ABI3BP: variants seen among roughly 807,000 people sequenced by gnomAD.
The protein encoded by ABI3BP is ABI family member 3 binding protein, also known as target of Nesh-SH3.
A neutral mutation model predicts 268.6 loss-of-function variants in ABI3BP; 216 were observed. The ratio of observed to expected loss-of-function variants is 0.80; its 90% CI spans 0.72 to 0.90. The LOEUF is 0.90. ABI3BP is among the 40% of genes least tolerant of loss of function. ABI3BP has a pLI of 0.00. For missense variants in ABI3BP, 2,090 were observed against 2,182.4 expected, an observed-to-expected ratio of 0.96 and a Z score of 0.84; for synonymous variants, 730 against 730.0, an observed-to-expected ratio of 1.00 and a Z score of 0.00.
chr3:100,862,265 A>G (rs1430408779), intron 14 of ABI3BP, 46 bp downstream of exon 14: 1 of 1,279,812 alleles, frequency 7.8e-7, no homozygotes, highest in Admixed American at 2.3e-5. Flanking sequence ...AAGTTACTCA[A>G]TATTCCTTGT....
chr3:100,749,386 T>TACAAAATGTAG lies in ABI3BP; in HGVS notation c.*1098_*1108dup. 2.9e-6 allele frequency: 1 copy of TACAAAATGTAG among 346,388 alleles called. No individual in the cohort carries two copies. The highest frequency in any genetic ancestry group is 4.2e-5 in the East Asian group (1 of 23,600). The allele number at this position is 346,388 out of a possible 1,614,324, so 21.5% of individuals were successfully genotyped here. ...GCAGAATTTATACTTGTTTGAAAAATACAAAATGTAGCGTTGATAAGATTG... is the reference window on the plus strand; with the variant it reads ...GCAGAATTTATACTTGTTTGAAAAATACAAAATGTAGACAAAATGTAGCGTTGATAAGATTG... On this transcript the variant is annotated 3_prime_UTR_variant, in exon 68 of 68. Transcript: ENST00000471714.
At chr3:100,956,511 AG>A (rs2076911281) in intron 1 of ABI3BP, among the ~76,000 whole-genome samples, 1 of 152,188 alleles carries the variant, frequency 6.6e-6, no homozygotes, top group African/African-American at 2.4e-5. Context: ...GACCAGATGG[AG>A]CCTGGGTCTT....
intron 9 of ABI3BP, 101 bp downstream of exon 9, chr3:100,874,736 TGAGA>T: frequency 1.6e-6 from 1 of 620,560 alleles, no homozygotes; most frequent in African/African-American, 1.8e-5. Flanking sequence ...TTTTTTACTT[TGAGA>T]TCCTCAAACA....
At chr3:100,983,126 C>T (rs1049690054) in intron 1 of ABI3BP, among the ~76,000 whole-genome samples, 7 of 152,120 alleles carry the variant, frequency 4.6e-5, no homozygotes, top group South Asian at 2.1e-4. Context: ...TTGTATTTAA[C>T]GAGAAAGGAT....
chr3:100,856,467 T>C (rs901831031), intron 14 of ABI3BP, among the ~76,000 whole-genome samples: 5 of 152,194 alleles, frequency 3.3e-5, no homozygotes, highest in African/African-American at 1.2e-4. Context: ...GGGAAGTCTC[T>C]ACAAGATAAC....
intron 1 of ABI3BP, among the ~76,000 whole-genome samples, chr3:100,959,432 G>A (rs921138894): frequency 1.1e-3 from 155 of 143,340 alleles, no homozygotes; most frequent in Non-Finnish European, 1.5e-3. Flanking sequence ...GGAGCTTGCA[G>A]TGAGCCGAGA....
intron 40 of ABI3BP, among the ~76,000 whole-genome samples, chr3:100,819,434 C>T (rs2098140861): frequency 6.6e-6 from 1 of 152,248 alleles, no homozygotes. Flanking sequence ...GATACACTCC[C>T]TTGCTTCAAT....
intron 1 of ABI3BP, among the ~76,000 whole-genome samples, chr3:100,988,703 A>T (rs2092409307): frequency 6.6e-6 from 1 of 152,114 alleles, no homozygotes; most frequent in African/African-American, 2.4e-5. Flanking sequence ...CCAGTCCCTT[A>T]TCTTCTCCAC....
At chr3:100,911,527 T>C in intron 2 of ABI3BP, 1 of 539,678 alleles carries the variant, frequency 1.9e-6, no homozygotes, top group South Asian at 2.1e-5. Flanking sequence ...TAATTCCTCT[T>C]GTAATGAAGC....
At chr3:100,902,835 C>T in intron 2 of ABI3BP, 149 bp from the exon 3 acceptor site, 1 of 617,912 alleles carries the variant, frequency 1.6e-6, no homozygotes, top group East Asian at 2.8e-5. Flanking sequence ...GAAAAGTTGA[C>T]ACTTCCTGAG....
At chr3:100,966,024 T>C (rs1184758230) in intron 1 of ABI3BP, among the ~76,000 whole-genome samples, 1 of 152,224 alleles carries the variant, frequency 6.6e-6, no homozygotes, top group Non-Finnish European at 1.5e-5. Flanking sequence ...GGCCCAGTTC[T>C]GTGACTAGCT....
intron 1 of ABI3BP, among the ~76,000 whole-genome samples, chr3:100,980,116 T>C (rs1366382103): frequency 6.6e-6 from 1 of 152,254 alleles, no homozygotes; most frequent in Non-Finnish European, 1.5e-5. Flanking sequence ...ATTTTGCAAG[T>C]AGGTTATTAT....
chr3:100,838,245 G>A lies in ABI3BP; in HGVS notation c.2048C>T (p.Thr683Ile). 6.5e-7 allele frequency: 1 copy of A among 1,536,500 alleles called. No individual in the cohort carries two copies. The highest frequency in any genetic ancestry group is 8.7e-7 in the Non-Finnish European group (1 of 1,146,872). The change falls in exon 26 of 68, where the codon ACC becomes ATC. Residue 683 changes from threonine to isoleucine, a missense_variant. Thr to Ile is a moderately conservative substitution (Grantham distance 89). Coordinates refer to ENST00000471714, the MANE Select transcript of ABI3BP (RefSeq NM_001375547.2). ...PPKQLLPKPQ[T>I]TAEPDMPPTK... ...TGGTGGCATGTCTGGTTCTGCTGTG[G>A]TTTGGGGTTTAGGAAGTAATTGTTT...
intron 41 of ABI3BP, 94 bp from the exon 42 acceptor site, chr3:100,817,589 T>C: frequency 1.0e-6 from 1 of 994,468 alleles, no homozygotes; most frequent in South Asian, 2.0e-5. Context: ...AAGTAAGGCT[T>C]GTTTTTTGCA....
chr3:100,750,737 CTG>C (rs2095265135), intron 67 of ABI3BP, 127 bp from the exon 68 acceptor site: 4 of 643,958 alleles, frequency 6.2e-6, no homozygotes, highest in Admixed American at 3.2e-5. Flanking sequence ...ATTTAGAAAA[CTG>C]AGAGCAAGAA....
intron 31 of ABI3BP, among the ~76,000 whole-genome samples, chr3:100,831,409 G>A (rs1326451810): frequency 6.6e-6 from 1 of 151,370 alleles, no homozygotes; most frequent in Non-Finnish European, 1.5e-5. Context: ...AGGAAGCTGA[G>A]ACTACACTCA....
intron 51 of ABI3BP, among the ~76,000 whole-genome samples, chr3:100,796,752 G>C (rs1560182454): frequency 2.0e-5 from 3 of 152,026 alleles, no homozygotes; most frequent in African/African-American, 7.2e-5. Flanking sequence ...AAACAATGAG[G>C]TAGAGCTCCC....
At chr3:100,862,733 A>G in intron 13 of ABI3BP, 105 bp downstream of exon 13, 1 of 754,290 alleles carries the variant, frequency 1.3e-6, no homozygotes, top group South Asian at 2.1e-5. Context: ...TTGCCTAACT[A>G]TCAGTTCATG....
intron 1 of ABI3BP, among the ~76,000 whole-genome samples, chr3:100,946,516 T>A (rs2072405203): frequency 6.6e-6 from 1 of 151,934 alleles, no homozygotes; most frequent in African/African-American, 2.4e-5. Context: ...AGGCTGGGTG[T>A]GGTGGCTCAC....
Sources: allele counts gnomAD v4.1 joint callset (sites outside exome capture counted in the v4.1 genomes callset), GRCh38; gene constraint gnomAD v4.1.1; transcripts MANE v1.5; gene names NCBI Gene and HGNC (gene_info 2026-07-23, HGNC 2026-07-21).